The following HSPH1 variants were observed in gnomAD, a reference collection of about 807,000 sequenced individuals.
The protein encoded by HSPH1 is heat shock protein 105 kDa.
A neutral mutation model predicts 100.0 loss-of-function variants in HSPH1; 40 were observed. That is an observed-to-expected ratio of 0.40 (90% confidence interval 0.31 to 0.52). The LOEUF is 0.52. Ranked by LOEUF, HSPH1 falls within the 20% of genes least tolerant of loss-of-function variation. The pLI is 0.54. For missense variants in HSPH1, 876 were observed against 1,015.1 expected (o/e 0.86, Z 1.86); for synonymous variants, 403 against 344.0 (o/e 1.17, Z -1.90).
chr13:31,137,121 A>C lies in HSPH1; in HGVS notation c.*197T>G. 1.4e-6 allele frequency: 1 copy of C among 733,734 alleles called. No homozygotes were observed. The highest frequency in any genetic ancestry group is 2.5e-6 in the Non-Finnish European group (1 of 392,444). The allele number at this position is 733,734 out of a possible 1,614,324, so 45.5% of individuals were successfully genotyped here. A position where few individuals can be genotyped will look rare whatever the true frequency, so the allele number is the denominator to read the frequency against. ...GAATTCACAATTCCACAGGAATCTGAAAGTTACCAAGGCAATTTTCCCTTT... is the reference window on the plus strand; with the variant it reads ...GAATTCACAATTCCACAGGAATCTGCAAGTTACCAAGGCAATTTTCCCTTT... On this transcript the variant is annotated 3_prime_UTR_variant, in exon 18 of 18. Transcript: ENST00000320027.
upstream of HSPH1, chr13:31,162,156 AG>A: frequency 6.9e-7 from 1 of 1,445,296 alleles, no homozygotes; most frequent in Non-Finnish European, 9.4e-7. Context: ...CTCCCGCCCT[AG>A]CCACAGGCGT....
At chr13:31,147,771 G>T (rs989217365) in intron 10 of HSPH1, among the ~76,000 whole-genome samples, 188 bp downstream of exon 10, 2 of 151,962 alleles carry the variant, frequency 1.3e-5, no homozygotes, top group South Asian at 2.1e-4. Flanking sequence ...TCTATCTCTA[G>T]ACCAGCTGAC....
At position 31,137,359 on chromosome 13, in the gene HSPH1, A is replaced by C. The variant is rs746571389; in HGVS notation, c.2536T>G (p.Tyr846Asp). 3.7e-6 allele frequency: 6 copies of C among 1,613,156 alleles called. No homozygotes were observed. Among genetic ancestry groups the C allele is most frequent in the Non-Finnish European group, 4.2e-6 (5 of 1,179,362 alleles). Residue 846 changes from tyrosine (Y) to aspartate (D), a missense_variant, in exon 18 of 18, where the codon TAC becomes GAC. Physicochemically the swap from Tyr to Asp is radical, Grantham distance 160. Coordinates refer to ENST00000320027, the MANE Select transcript of HSPH1 (RefSeq NM_006644.4). ...AEPPHQNGEC[Y>D]PNEKNSVNMD... is the part of the protein sequence containing the mutation. ...TTAACAGAATTTTTCTCATTAGGGT[A>C]ACATTCACCATTCTGATGTGGAGGT...
chr13:31,156,940 T>C (rs546608479), intron 2 of HSPH1, among the ~76,000 whole-genome samples: 51 of 152,340 alleles, frequency 3.3e-4, no homozygotes, highest in African/African-American at 1.1e-3. Context: ...TCAGAGCACA[T>C]TTCACTCAAG....
At position 31,148,094 on chromosome 13, in the gene HSPH1, T is replaced by G; in HGVS notation, c.1245-2A>C. The G allele has an allele frequency of 6.2e-7, 1 of 1,603,168 alleles. No homozygotes were observed. Among genetic ancestry groups the G allele is most frequent in the Non-Finnish European group, 8.5e-7 (1 of 1,176,976 alleles). On this transcript the variant is annotated splice_acceptor_variant, in intron 9 of 17. Transcript: ENST00000320027. LOFTEE classifies it high-confidence loss of function. ...TTTCGACTAAAGACTTCATGAACACTAGAGAGAAAAGAAAAAGGCATTCAG... is the reference window on the plus strand; with the variant it reads ...TTTCGACTAAAGACTTCATGAACACGAGAGAGAAAAGAAAAAGGCATTCAG...
intron 3 of HSPH1, 37 bp from the exon 4 acceptor site, chr13:31,154,792 T>C: frequency 6.4e-7 from 1 of 1,564,860 alleles, no homozygotes; most frequent in Non-Finnish European, 8.7e-7. Flanking sequence ...AACATTGTAG[T>C]ACTTTAAGCT....
intron 14 of HSPH1, 75 bp downstream of exon 14, chr13:31,140,109 A>G: frequency 7.3e-7 from 1 of 1,368,924 alleles, no homozygotes; most frequent in South Asian, 1.5e-5. Context: ...TAAAAGCTTA[A>G]GCCTCAACTG....
chr13:31,153,288 A>C (rs1197847746), intron 4 of HSPH1, among the ~76,000 whole-genome samples: 3 of 152,214 alleles, frequency 2.0e-5, no homozygotes, highest in Non-Finnish European at 2.9e-5. Context: ...CTGCTTCCAA[A>C]CTAGTTGTAA....
chr13:31,147,651 T>C (rs889220973), intron 10 of HSPH1, among the ~76,000 whole-genome samples: 2 of 152,110 alleles, frequency 1.3e-5, no homozygotes, highest in African/African-American at 4.8e-5. Context: ...TAATCCTTTA[T>C]ATACAGACTG....
Position 31,161,844 on chromosome 13 carries a change from G to C in HSPH1, c.-262C>G, listed in dbSNP as rs951682608. On this transcript the variant is annotated 5_prime_UTR_variant, in exon 1 of 18. Transcript: ENST00000320027. ...GCCTCCGCAGGTCGCTCCGCACCTC[G>C]GGTTGCCTGCCTCACTCTGCCGCGG... is the stretch of plus-strand genomic sequence containing the variant. 8.1e-6 allele frequency: 12 copies of C among 1,478,964 alleles called. No individual in the cohort carries two copies. The Admixed American group carries it at 2.5e-4, about 31-fold the overall frequency. 91.6% of individuals were successfully genotyped at this position (1,478,964 alleles called of 1,614,324 possible).
chr13:31,148,571 TCAAA>T, intron 8 of HSPH1, 91 bp from the exon 9 acceptor site: 5 of 94,174 alleles, frequency 5.3e-5, no homozygotes, highest in South Asian at 2.8e-4. Flanking sequence ...GACAGGGTTT[TCAAA>T]AAAAAAAAAA....
chr13:31,145,630 T>C lies in HSPH1; in HGVS notation c.1517A>G (p.Asn506Ser). The change falls in exon 11 of 18, where the codon AAT becomes AGT. Residue 506 changes from asparagine (N) to serine (S), a missense_variant. Asn to Ser is a conservative substitution (Grantham distance 46). Coordinates refer to ENST00000320027, the MANE Select transcript of HSPH1 (RefSeq NM_006644.4). ...CATGTCAGCTTCAGAAGACATTTCA[T>C]TCTCCTCAGTTGGGACTTTCTCCAC... ...SMVEKVPTEE[N>S]EMSSEADMEC... is the part of the protein sequence containing the mutation. 1 of 1,613,690 alleles carries C rather than the reference T, an allele frequency of 6.2e-7. No homozygotes were observed. The highest frequency in any genetic ancestry group is 8.5e-7 in the Non-Finnish European group (1 of 1,179,794).
At chr13:31,147,814 C>T in intron 10 of HSPH1, 145 bp downstream of exon 10, 1 of 676,676 alleles carries the variant, frequency 1.5e-6, no homozygotes, top group Admixed American at 2.9e-5. Flanking sequence ...TCTCCATCAC[C>T]ATTATTCTAA....
intron 9 of HSPH1, 110 bp from the exon 10 acceptor site, chr13:31,148,202 C>T: frequency 8.4e-7 from 1 of 1,195,922 alleles, no homozygotes; most frequent in Non-Finnish European, 1.2e-6. Context: ...TCTATCTCAT[C>T]ATTTACAATA....
chr13:31,150,113 T>C lies in HSPH1; in HGVS notation c.978A>G (p.Glu326=), dbSNP rs781730250. 1.4e-5 allele frequency: 22 copies of C among 1,613,318 alleles called. No individual in the cohort carries two copies. The highest frequency in any genetic ancestry group is 1.9e-5 in the Non-Finnish European group (22 of 1,179,442). The change falls in exon 8 of 18, where the codon GAA becomes GAG. Residue 326 remains glutamate (E), a synonymous_variant. Transcript: ENST00000320027. Reference sequence around the variant, plus strand: ...CATCTTCTACTTTGAGATGAGTTTGTTCCAACAGTGAATAAAGGGGTACTT... The same window carrying C: ...CATCTTCTACTTTGAGATGAGTTTGCTCCAACAGTGAATAAAGGGGTACTT... The part of the protein sequence containing the change: ...KIEVPLYSLL[E]QTHLKVEDVS...
Position 31,138,824 on chromosome 13 carries a change from C to CTCTG in HSPH1, c.2161_2164dup (p.Arg722ThrfsTer12), listed in dbSNP as rs755879733. On this transcript the variant is annotated frameshift_variant, in exon 16 of 18. Transcript: ENST00000320027. LOFTEE classifies it high-confidence loss of function. ...TGCTATCTTGGCATAATGCTGCAGC[C>CTCTG]TCTGTCCTAGTTCTTCAAACATTTT... The CTCTG allele has an allele frequency of 6.2e-7, 1 of 1,612,122 alleles. No homozygotes were observed. Among genetic ancestry groups the CTCTG allele is most frequent in the Non-Finnish European group, 8.5e-7 (1 of 1,179,204 alleles).
intron 8 of HSPH1, 148 bp downstream of exon 8, chr13:31,149,806 G>C (rs993556029): frequency 1.6e-6 from 1 of 616,938 alleles, no homozygotes; most frequent in Non-Finnish European, 2.9e-6. Context: ...GATTTGAGTA[G>C]CCTTATCTCC....
At chr13:31,162,057 T>C (rs1052776570), upstream of HSPH1, 12 of 1,535,970 alleles carry the variant, frequency 7.8e-6, no homozygotes, top group Non-Finnish European at 9.6e-6. Flanking sequence ...TTCTACCCAA[T>C]GGGCAGCCGG....
Position 31,155,649 on chromosome 13 carries a change from G to A in HSPH1, c.171C>T (p.Ile57=). ...TIGVAAKNQQ[I]THANNTVSNF... ...TAGACACCGTATTGTTTGCATGAGT[G>A]ATTTGCTGCAAAAAGAAGTTTGAGA... Residue 57 remains isoleucine, a synonymous_variant, in exon 3 of 18, where the codon ATC becomes ATT. Coordinates refer to ENST00000320027, the MANE Select transcript of HSPH1 (RefSeq NM_006644.4). The A allele has an allele frequency of 6.3e-7, 1 of 1,581,792 alleles. No individual in the cohort carries two copies. Among genetic ancestry groups the A allele is most frequent in the Non-Finnish European group, 8.6e-7 (1 of 1,165,626 alleles).
Sources: allele counts gnomAD v4.1 joint callset (sites outside exome capture counted in the v4.1 genomes callset), GRCh38; gene constraint gnomAD v4.1.1; transcripts MANE v1.5; gene names NCBI Gene and HGNC (gene_info 2026-07-23, HGNC 2026-07-21).